The following MCPH1 variants were observed in gnomAD, a reference collection of about 807,000 sequenced individuals.
MCPH1 encodes the protein microcephalin 1.
MCPH1 carries 104 observed loss-of-function variants against 84.5 expected under a neutral mutation model. That is an observed-to-expected ratio of 1.23 (90% CI 1.05 to 1.45). The LOEUF (loss-of-function observed/expected upper bound fraction) is 1.45. Ranked by LOEUF, MCPH1 falls within the 40% of genes most tolerant of loss-of-function variation. The pLI, the probability that MCPH1 is intolerant of heterozygous loss-of-function variation, is 0.00. For synonymous variants in MCPH1, 514 were observed against 366.8 expected, an observed-to-expected ratio of 1.40 and a Z score of -4.58; for missense variants, 1,498 against 1,005.7, an observed-to-expected ratio of 1.49 and a Z score of -6.62.
intron 9 of MCPH1, among the ~76,000 whole-genome samples, chr8:6,474,781 C>T (rs1181345708): frequency 6.6e-6 from 1 of 152,032 alleles, no homozygotes; most frequent in African/African-American, 2.4e-5. Context: ...GGGAGGATTG[C>T]CGAGGGCAGG....
chr8:6,456,613 G>A (rs894978846), intron 9 of MCPH1, among the ~76,000 whole-genome samples: 8 of 151,180 alleles, frequency 5.3e-5, no homozygotes, highest in African/African-American at 1.7e-4. Flanking sequence ...GGAAGCCGTG[G>A]TACCTCTCAT....
chr8:6,468,968 C>G (rs748817554), intron 9 of MCPH1, among the ~76,000 whole-genome samples: 1 of 152,050 alleles, frequency 6.6e-6, no homozygotes, highest in Non-Finnish European at 1.5e-5. Flanking sequence ...GCAGGAGGAT[C>G]GCTTGAGGCC....
intron 5 of MCPH1, among the ~76,000 whole-genome samples, chr8:6,437,025 T>C (rs1460402798): frequency 3.3e-5 from 5 of 152,156 alleles, no homozygotes; most frequent in Non-Finnish European, 7.4e-5. Context: ...TTGGTATTTC[T>C]GTTTTGCCTT....
At chr8:6,414,953 C>A in intron 3 of MCPH1, 70 bp downstream of exon 3, 2 of 1,515,928 alleles carry the variant, frequency 1.3e-6, no homozygotes, top group Non-Finnish European at 1.8e-6. Context: ...ATATTTTTCA[C>A]AGATCGCAGA....
chr8:6,595,597 G>C (rs867688370), intron 12 of MCPH1, among the ~76,000 whole-genome samples: 2 of 152,192 alleles, frequency 1.3e-5, no homozygotes, highest in Admixed American at 6.5e-5. Flanking sequence ...CTGCAGGTTT[G>C]AGTGAAGAGT....
At chr8:6,580,837 G>T (rs1172766988) in intron 12 of MCPH1, among the ~76,000 whole-genome samples, 2 of 152,130 alleles carry the variant, frequency 1.3e-5, no homozygotes, top group South Asian at 2.1e-4. Flanking sequence ...AAATAACTTT[G>T]CATTTAACAT....
intron 8 of MCPH1, chr8:6,447,027 G>A (rs925319084): frequency 1.2e-5 from 12 of 984,558 alleles, no homozygotes; most frequent in Middle Eastern, 5.2e-4. Flanking sequence ...GGCAGGGCCC[G>A]GGTGCAAGAA....
chr8:6,626,030 G>T (rs950664893), intron 13 of MCPH1: 1 of 985,292 alleles, frequency 1.0e-6, no homozygotes, highest in Non-Finnish European at 1.2e-6. Flanking sequence ...TGCAGCATCC[G>T]AGCACCACAG....
chr8:6,610,644 T>C (rs1830176709), intron 12 of MCPH1, among the ~76,000 whole-genome samples: 1 of 152,132 alleles, frequency 6.6e-6, no homozygotes, highest in Non-Finnish European at 1.5e-5. Context: ...AAAACTATAA[T>C]CATTCTGCTT....
chr8:6,508,719 G>T (rs1814300786), intron 12 of MCPH1: 3 of 662,588 alleles, frequency 4.5e-6, no homozygotes, highest in Non-Finnish European at 7.7e-6. Flanking sequence ...GACACAGTTG[G>T]CTTGCTGACA....
chr8:6,642,360 C>G (rs1031725900), intron 13 of MCPH1, among the ~76,000 whole-genome samples: 1 of 152,162 alleles, frequency 6.6e-6, no homozygotes, highest in Non-Finnish European at 1.5e-5. Context: ...ATCACCTGTG[C>G]TGACCCTTCA....
At chr8:6,613,855 T>G (rs1175412215) in intron 12 of MCPH1, among the ~76,000 whole-genome samples, 3 of 152,060 alleles carry the variant, frequency 2.0e-5, no homozygotes, top group African/African-American at 7.2e-5. Flanking sequence ...ATGCTTTTGA[T>G]CGCCAAGGGA....
At chr8:6,639,196 G>A (rs1157216870) in intron 13 of MCPH1, among the ~76,000 whole-genome samples, 3 of 152,128 alleles carry the variant, frequency 2.0e-5, no homozygotes, top group Non-Finnish European at 4.4e-5. Context: ...TGGGTAGACG[G>A]GTGCATGGGT....
intron 11 of MCPH1, among the ~76,000 whole-genome samples, chr8:6,489,690 A>G (rs1230306574): frequency 6.6e-6 from 1 of 152,188 alleles, no homozygotes; most frequent in Non-Finnish European, 1.5e-5. Context: ...ATTGGTTGGC[A>G]GCGAATGGGG....
chr8:6,477,399 G>A lies in MCPH1; in HGVS notation c.1936-195G>A, dbSNP rs1488525542. 3 of 582,894 alleles carry A rather than the reference G, an allele frequency of 5.1e-6. No homozygotes were observed. The African/African-American group carries it at 5.6e-5, about 11-fold the overall frequency. 36.1% of individuals were successfully genotyped at this position (582,894 alleles called of 1,614,324 possible). On this transcript the variant is annotated intron_variant, in intron 9 of 13. Transcript: ENST00000344683. Reference sequence around the variant, plus strand: ...GTCTGGATTATTTTGGATTGCTTTGGGGACAGTATCTGAGTTTCTATCTCT... The same window carrying A: ...GTCTGGATTATTTTGGATTGCTTTGAGGACAGTATCTGAGTTTCTATCTCT...
intron 9 of MCPH1, chr8:6,473,995 A>G: frequency 1.0e-6 from 1 of 965,358 alleles, no homozygotes; most frequent in South Asian, 1.4e-5. Flanking sequence ...GGAAAATCTC[A>G]CACTGAATAT....
rs539392830 is a variant in MCPH1, at chr8:6,568,234, C to CGTGGACCCATCGCTAGCTGAATGTGGAAT, written c.2215-53162_2215-53134dup. 6.1e-3 allele frequency among the ~76,000 whole-genome samples: 847 copies of CGTGGACCCATCGCTAGCTGAATGTGGAAT among 139,932 alleles called. 28 individuals carry two copies. The highest frequency in any genetic ancestry group is 0.025 in the African/African-American group (801 of 31,744). 91.8% of individuals were successfully genotyped at this position (139,932 alleles called of 152,430 possible). On this transcript the variant is annotated intron_variant, in intron 12 of 13. Coordinates refer to ENST00000344683, the MANE Select transcript of MCPH1 (RefSeq NM_024596.5). ...CTGAGGACCGTGGAAGTGGGTGGCGCGTGGACCCATCGCTAGCTGAATGTG... is the reference window on the plus strand; with the variant it reads ...CTGAGGACCGTGGAAGTGGGTGGCGCGTGGACCCATCGCTAGCTGAATGTGGAATGTGGACCCATCGCTAGCTGAATGTG...
chr8:6,469,633 A>G (rs1230054551), intron 9 of MCPH1, among the ~76,000 whole-genome samples: 1 of 152,180 alleles, frequency 6.6e-6, no homozygotes, highest in Non-Finnish European at 1.5e-5. Flanking sequence ...ACTTATTCTT[A>G]AGGAAAATTA....
intron 12 of MCPH1, among the ~76,000 whole-genome samples, chr8:6,523,240 G>T (rs769795958): frequency 6.6e-6 from 1 of 152,036 alleles, no homozygotes; most frequent in East Asian, 1.9e-4. Context: ...CTCGTGATCC[G>T]CCCGCCCCTG....
Sources: gnomAD v4.1 joint callset for allele counts (sites outside exome capture counted in the v4.1 genomes callset) on GRCh38, gnomAD v4.1.1 for gene constraint, MANE v1.5 for transcripts, NCBI Gene and HGNC (gene_info 2026-07-23, HGNC 2026-07-21) for gene names.